FAAP20: variants seen among roughly 807,000 people sequenced by gnomAD.
FAAP20 encodes FA core complex associated protein 20, also known as Fanconi anemia core complex-associated protein 20.
FAAP20 carries 12 observed loss-of-function variants against 16.2 expected under a neutral mutation model. The observed-to-expected ratio is 0.74, with a 90% CI of 0.48 to 1.20. The LOEUF (loss-of-function observed/expected upper bound fraction) is 1.20, where lower values mean the gene tolerates loss of function less well. Ranked by LOEUF, FAAP20 falls within the 50% of genes most tolerant of loss-of-function variation. FAAP20 has a pLI of 0.00. For synonymous variants in FAAP20, 141 were observed against 110.7 expected (o/e 1.27, Z -1.72); for missense variants, 288 against 245.8 (o/e 1.17, Z -1.15).
downstream of FAAP20, among the ~76,000 whole-genome samples, chr1:2,188,912 G>T (rs181517544): frequency 3.0e-3 from 458 of 152,158 alleles, 1 homozygote; most frequent in African/African-American, 0.011. Context: ...GGCTGAGGCA[G>T]GAGAATGGCG....
upstream of FAAP20, chr1:2,200,920 T>C (rs1400497432): frequency 8.8e-7 from 1 of 1,135,354 alleles, no homozygotes. Flanking sequence ...GTCTGGCTTC[T>C]CGGCTCTGTA....
At chr1:2,202,894 C>T (rs1689103143), upstream of FAAP20, among the ~76,000 whole-genome samples, 1 of 152,218 alleles carries the variant, frequency 6.6e-6, no homozygotes. Context: ...CATATACCCC[C>T]ACTTCTGGGT....
At chr1:2,185,121 C>T (rs1430326271), downstream of FAAP20, 21 of 1,050,874 alleles carry the variant, frequency 2.0e-5, no homozygotes, top group South Asian at 8.6e-5. Context: ...CAGGGACAGA[C>T]GCTTGCGCCG....
chr1:2,199,478 G>A, upstream of FAAP20: 1 of 996,828 alleles, frequency 1.0e-6, no homozygotes, highest in Non-Finnish European at 1.2e-6. This position sits in a 1 kb window ranked among gnomAD's most constrained non-coding sequence, Gnocchi z 4.5. Context: ...ATGCTGATTG[G>A]TCTACCCAGG....
At chr1:2,185,049 C>G, downstream of FAAP20, 2 of 1,547,612 alleles carry the variant, frequency 1.3e-6, no homozygotes, top group Non-Finnish European at 1.8e-6. Context: ...GTGATTGACC[C>G]TTTAACTGTA....
At chr1:2,205,826 C>G (rs775191831) in intron 3 of FAAP20, among the ~76,000 whole-genome samples, 1 of 152,254 alleles carries the variant, frequency 6.6e-6, no homozygotes, top group Non-Finnish European at 1.5e-5. Flanking sequence ...GCCGGCGAAG[C>G]GCAGGGGGAG....
At chr1:2,189,882 G>A (rs1557775684) in intron 3 of FAAP20, 101 bp from the exon 4 acceptor site, 3 of 946,512 alleles carry the variant, frequency 3.2e-6, no homozygotes, top group South Asian at 2.7e-5. Context: ...TGCCGCTGGA[G>A]AGGATCCGGC....
chr1:2,205,724 G>A (rs1205609191), intron 3 of FAAP20, among the ~76,000 whole-genome samples: 1 of 152,214 alleles, frequency 6.6e-6, no homozygotes, highest in Non-Finnish European at 1.5e-5. Flanking sequence ...CCCCCGCTGC[G>A]CCGCAGGCCT....
intron 3 of FAAP20, chr1:2,192,496 G>C (rs978388452): frequency 1.0e-6 from 1 of 996,744 alleles, no homozygotes; most frequent in East Asian, 1.0e-4. Context: ...AGACTATCTG[G>C]AAAAGCAGGC....
chr1:2,192,833 C>T, intron 3 of FAAP20: 1 of 1,240,644 alleles, frequency 8.1e-7, no homozygotes. Context: ...CTCCTGGGCT[C>T]CAGCAACCCA....
At chr1:2,211,429 A>G (rs1394989832), downstream of FAAP20, among the ~76,000 whole-genome samples, 2 of 18,868 alleles carry the variant, frequency 1.1e-4, no homozygotes, top group Admixed American at 8.2e-4. Flanking sequence ...ATATATATAT[A>G]TATATATTTT....
At chr1:2,202,903 G>T (rs975854277), upstream of FAAP20, among the ~76,000 whole-genome samples, 1 of 152,188 alleles carries the variant, frequency 6.6e-6, no homozygotes, top group Non-Finnish European at 1.5e-5. Context: ...CCACTTCTGG[G>T]TGAGCAATTT....
downstream of FAAP20, chr1:2,187,107 G>A: frequency 2.2e-6 from 1 of 461,100 alleles, no homozygotes; most frequent in South Asian, 1.6e-5. Context: ...GCGTGGTGCG[G>A]GGCAACTGCC....
chr1:2,193,408 T>C, intron 3 of FAAP20: 1 of 651,790 alleles, frequency 1.5e-6, no homozygotes, highest in East Asian at 3.0e-5. Flanking sequence ...TCTGTGCTGT[T>C]CTGTGGGCCC....
At chr1:2,188,899 G>A (rs1319383799), downstream of FAAP20, among the ~76,000 whole-genome samples, 3 of 152,080 alleles carry the variant, frequency 2.0e-5, no homozygotes, top group African/African-American at 7.2e-5. Context: ...CAGCTACTCG[G>A]GAGGCTGAGG....
chr1:2,189,620 G>GCTT lies in FAAP20; in HGVS notation c.*88_*89insAAG. 1 of 984,338 alleles carries GCTT rather than the reference G, an allele frequency of 1.0e-6. No homozygotes were observed. Among genetic ancestry groups the GCTT allele is most frequent in the Non-Finnish European group, 1.5e-6 (1 of 659,364 alleles). 61.0% of individuals were successfully genotyped at this position (984,338 alleles called of 1,614,324 possible). Reference sequence around the variant, plus strand: ...GCATGCGGGGGAGCCGAGAGGCGGGGCTGCTGGCGGGGGAGCCGAGAGGCG... The same window carrying GCTT: ...GCATGCGGGGGAGCCGAGAGGCGGGGCTTCTGCTGGCGGGGGAGCCGAGAGGCG... On this transcript the variant is annotated 3_prime_UTR_variant, in exon 4 of 4. Transcript: ENST00000378546.
downstream of FAAP20, among the ~76,000 whole-genome samples, chr1:2,211,774 G>A (rs1009397640): frequency 6.8e-5 from 10 of 147,864 alleles, no homozygotes; most frequent in African/African-American, 2.5e-4. Context: ...TATTAGAGAC[G>A]GGGTTTCATC....
intron 3 of FAAP20, 52 bp from the exon 4 acceptor site, chr1:2,189,833 C>T: frequency 7.2e-7 from 1 of 1,389,508 alleles, no homozygotes; most frequent in Non-Finnish European, 1.0e-6. Context: ...ATGCTGGCCG[C>T]AGAGAGCACC....
downstream of FAAP20, among the ~76,000 whole-genome samples, chr1:2,208,672 C>T (rs1356649221): frequency 6.6e-6 from 1 of 152,164 alleles, no homozygotes; most frequent in African/African-American, 2.4e-5. Context: ...TTATGTAACC[C>T]CCATGCTCGG....
Sources: allele counts gnomAD v4.1 joint callset (sites outside exome capture counted in the v4.1 genomes callset), GRCh38; gene constraint gnomAD v4.1.1; non-coding constraint Gnocchi (gnomAD v3.1); transcripts MANE v1.5; gene names NCBI Gene and HGNC (gene_info 2026-07-23, HGNC 2026-07-21).